Variants in AUTS2 observed in about 807,000 individuals in gnomAD.
AUTS2 encodes the protein autism susceptibility gene 2 protein.
AUTS2 carries 17 observed loss-of-function variants against 112.4 expected under a neutral mutation model. The ratio of observed to expected loss-of-function variants is 0.15; its 90% CI spans 0.10 to 0.23. AUTS2 has a LOEUF of 0.23. AUTS2 is among the 10% of genes least tolerant of loss of function. The pLI, the probability that AUTS2 is intolerant of heterozygous loss-of-function variation, is 1.00. For synonymous variants in AUTS2, 751 were observed against 702.7 expected (o/e 1.07, Z -1.09); for missense variants, 1,510 against 1,701.6 (o/e 0.89, Z 1.98).
intron 5 of AUTS2, among the ~76,000 whole-genome samples, chr7:70,536,125 C>T (rs1167356534): frequency 6.6e-6 from 1 of 151,980 alleles, no homozygotes; most frequent in Non-Finnish European, 1.5e-5. Flanking sequence ...GTCAGGAGTT[C>T]GAAACCAGCC....
intron 1 of AUTS2, among the ~76,000 whole-genome samples, chr7:69,709,298 A>G (rs953790496): frequency 2.0e-5 from 3 of 152,154 alleles, no homozygotes; most frequent in Non-Finnish European, 4.4e-5. Context: ...TCTTCTTCCT[A>G]TGTGAATCAC....
At chr7:70,191,161 C>CTTTTTTTTTTT (rs34637651) in intron 4 of AUTS2, among the ~76,000 whole-genome samples, 12 of 86,428 alleles carry the variant, frequency 1.4e-4, no homozygotes, top group Non-Finnish European at 2.3e-4. Context: ...CCACTTATTT[C>CTTTTTTTTTTT]TTTTTTTTTT....
intron 4 of AUTS2, among the ~76,000 whole-genome samples, chr7:70,253,474 T>C (rs1285163217): frequency 6.6e-6 from 1 of 152,198 alleles, no homozygotes; most frequent in Non-Finnish European, 1.5e-5. Flanking sequence ...CTTTTGCCTT[T>C]CCTTACTTGT....
rs546663206 is a variant in AUTS2 at position 70,340,006 on chromosome 7, A to C, written c.661-95746A>C. Among the ~76,000 whole-genome samples, 7 of 152,324 alleles carry C rather than the reference A, an allele frequency of 4.6e-5. No homozygotes were observed. The East Asian group carries it at 1.4e-3, about 29-fold the overall frequency. ...GTGGAGGACAGGGCTAGCCAGGGTTAAAATTGCAGCTCTTTTACTTAGCTA... is the reference window on the plus strand; with the variant it reads ...GTGGAGGACAGGGCTAGCCAGGGTTCAAATTGCAGCTCTTTTACTTAGCTA... On this transcript the variant is annotated intron_variant, in intron 4 of 18. Transcript: ENST00000342771.
At chr7:70,232,240 G>A (rs2129596813) in intron 4 of AUTS2, among the ~76,000 whole-genome samples, 1 of 152,222 alleles carries the variant, frequency 6.6e-6, no homozygotes, top group African/African-American at 2.4e-5. Context: ...TTTATTAATA[G>A]ATATGCCACA....
At chr7:70,425,930 A>G (rs905184065) in intron 4 of AUTS2, among the ~76,000 whole-genome samples, 5 of 152,154 alleles carry the variant, frequency 3.3e-5, no homozygotes, top group Non-Finnish European at 5.9e-5. Flanking sequence ...TGTTTATTAC[A>G]TATGTACTTA....
intron 6 of AUTS2, among the ~76,000 whole-genome samples, chr7:70,721,911 A>C (rs376720212): frequency 2.0e-5 from 3 of 152,200 alleles, no homozygotes; most frequent in African/African-American, 4.8e-5. Flanking sequence ...CACTTTCTGC[A>C]TAATCTCATA....
chr7:70,501,474 G>A (rs1476969400), intron 5 of AUTS2, among the ~76,000 whole-genome samples: 4 of 152,194 alleles, frequency 2.6e-5, no homozygotes, highest in East Asian at 1.9e-4. Flanking sequence ...AGTTCTACCC[G>A]TAAAAGAGAT....
chr7:69,644,710 A>G (rs1442155529), intron 1 of AUTS2, among the ~76,000 whole-genome samples: 2 of 152,158 alleles, frequency 1.3e-5, no homozygotes, highest in Admixed American at 1.3e-4. Flanking sequence ...CTTAATAGGC[A>G]CTCAAGACAA....
intron 16 of AUTS2, among the ~76,000 whole-genome samples, 163 bp downstream of exon 16, chr7:70,785,182 C>T (rs1474325627): frequency 2.0e-5 from 3 of 152,240 alleles, no homozygotes; most frequent in African/African-American, 7.2e-5. Context: ...CAGTACATCC[C>T]GTCCAGCTTC....
chr7:69,736,883 G>T (rs79373442), intron 1 of AUTS2, among the ~76,000 whole-genome samples: 9,353 of 152,206 alleles, frequency 0.061, 324 homozygotes, highest in East Asian at 0.13. Flanking sequence ...CCAGGCACAG[G>T]TTTGGTTCAT....
At chr7:69,983,622 C>T (rs752031586) in intron 2 of AUTS2, among the ~76,000 whole-genome samples, 1 of 152,018 alleles carries the variant, frequency 6.6e-6, no homozygotes, top group African/African-American at 2.4e-5. Flanking sequence ...TGTAGGATTA[C>T]GTGTTGCCTG....
chr7:69,623,927 C>A (rs886563345), intron 1 of AUTS2, among the ~76,000 whole-genome samples: 24 of 151,942 alleles, frequency 1.6e-4, no homozygotes, highest in Non-Finnish European at 2.9e-4. Context: ...TCCTCAAATC[C>A]CAAGAAATTA....
chr7:70,790,125 C>G lies in AUTS2; in HGVS notation c.2909C>G (p.Ala970Gly). ...REAEPRKGEPAYENPKKSSEV... is the reference protein window; with the variant it reads ...REAEPRKGEPGYENPKKSSEV... ...GCCGAGCCGCGCAAGGGTGAGCCGG[C>G]CTACGAGAACCCCAAGAAGAGCTCC... is the stretch of plus-strand genomic sequence containing the variant. The change falls in exon 19 of 19, where the codon GCC (alanine) becomes GGC (glycine). Residue 970 changes from alanine to glycine, a missense_variant. Physicochemically the swap from Ala to Gly is moderately conservative, Grantham distance 60 (BLOSUM62 0). Around this residue, in one of 3 missense-constraint regions of AUTS2, gnomAD observed 788 missense variants for 797.6 expected, o/e 0.99. Coordinates refer to ENST00000342771, the MANE Select transcript of AUTS2 (RefSeq NM_015570.4). The surrounding 1 kb of genome is among the most constrained non-coding windows in gnomAD (Gnocchi z 7.6). The G allele has an allele frequency of 6.2e-7, 1 of 1,603,430 alleles. No homozygotes were observed. Among genetic ancestry groups the G allele is most frequent in the Non-Finnish European group, 8.5e-7 (1 of 1,176,056 alleles).
At chr7:70,646,815 A>G (rs1021846350) in intron 5 of AUTS2, among the ~76,000 whole-genome samples, 24 of 152,226 alleles carry the variant, frequency 1.6e-4, no homozygotes, top group African/African-American at 5.8e-4. Context: ...GGGCTGGCCC[A>G]GAAGCTGGGG....
intron 2 of AUTS2, among the ~76,000 whole-genome samples, chr7:70,072,555 G>C (rs956767190): frequency 1.3e-5 from 2 of 152,154 alleles, no homozygotes; most frequent in African/African-American, 4.8e-5. Flanking sequence ...AGAGATAATG[G>C]CACTAGTGCA....
intron 2 of AUTS2, among the ~76,000 whole-genome samples, chr7:69,969,633 A>G (rs1797766496): frequency 6.6e-6 from 1 of 152,210 alleles, no homozygotes; most frequent in Admixed American, 6.5e-5. Flanking sequence ...GTCTTAGTGT[A>G]AACACAGGGA....
At chr7:70,698,523 TA>T (rs1313415089) in intron 5 of AUTS2, 45 bp from the exon 6 acceptor site, 1 of 1,496,838 alleles carries the variant, frequency 6.7e-7, no homozygotes, top group Non-Finnish European at 9.2e-7. Flanking sequence ...GTGATGACAA[TA>T]TTAATGACAA....
intron 5 of AUTS2, among the ~76,000 whole-genome samples, chr7:70,696,598 A>G (rs1160581189): frequency 6.6e-6 from 1 of 152,206 alleles, no homozygotes; most frequent in Non-Finnish European, 1.5e-5. Context: ...TGTCTGTCTG[A>G]GAATCCCATG....
Sources: allele counts gnomAD v4.1 joint callset (sites outside exome capture counted in the v4.1 genomes callset), GRCh38; gene constraint gnomAD v4.1.1; regional missense constraint gnomAD v4.1.1; non-coding constraint Gnocchi (gnomAD v3.1); transcripts MANE v1.5; gene names NCBI Gene and HGNC (gene_info 2026-07-23, HGNC 2026-07-21).